The following PITPNM3 variants were observed in gnomAD, a reference collection of about 807,000 sequenced individuals.
The protein encoded by PITPNM3 is membrane-associated phosphatidylinositol transfer protein 3.
Under a neutral mutation model 102.0 loss-of-function variants are expected in PITPNM3, and 26 were observed. The ratio of observed to expected loss-of-function variants is 0.25; its 90% CI spans 0.19 to 0.35. The LOEUF is 0.35. Ranked by LOEUF, PITPNM3 falls within the 10% of genes least tolerant of loss-of-function variation. The pLI is 1.00. For missense variants in PITPNM3, 1,083 were observed against 1,346.1 expected (o/e 0.80, Z 3.06); for synonymous variants, 578 against 558.6 (o/e 1.03, Z -0.49).
intron 3 of PITPNM3, among the ~76,000 whole-genome samples, chr17:6,516,365 C>A (rs1908176825): frequency 6.6e-6 from 1 of 151,156 alleles, no homozygotes; most frequent in Admixed American, 6.6e-5. Context: ...AGATTGAGAC[C>A]ATCCTGGCTA....
In PITPNM3 at chr17:6,458,005, CA is replaced by C. The variant is rs914254730; in HGVS notation, c.2491-284del. 2.0e-5 allele frequency among the ~76,000 whole-genome samples: 3 copies of C among 152,162 alleles called. No individual in the cohort carries two copies. Among genetic ancestry groups the C allele is most frequent in the Non-Finnish European group, 4.4e-5 (3 of 68,014 alleles). On this transcript the variant is annotated intron_variant, in intron 18 of 19. Transcript: ENST00000262483. The surrounding 1 kb of genome is among the most constrained non-coding windows in gnomAD (Gnocchi z 5.1). ...CACTCAGGTTAAGTAATAATGAAGGCAAGCGTTCCTTTGTGGATAAGGAAAT... is the reference window on the plus strand; with the variant it reads ...CACTCAGGTTAAGTAATAATGAAGGCAGCGTTCCTTTGTGGATAAGGAAAT...
chr17:6,508,861 C>A (rs1008893367), intron 3 of PITPNM3, among the ~76,000 whole-genome samples: 1 of 152,256 alleles, frequency 6.6e-6, no homozygotes, highest in African/African-American at 2.4e-5. Flanking sequence ...CCCTGGAAAC[C>A]GCCAGCGAGG....
chr17:6,474,732 TGA>T (rs1330602256), intron 9 of PITPNM3, 128 bp from the exon 10 acceptor site: 7 of 1,174,746 alleles, frequency 6.0e-6, no homozygotes, highest in Non-Finnish European at 5.9e-6. Flanking sequence ...GGGGCGGGGC[TGA>T]GAGTCCACCG....
intron 3 of PITPNM3, among the ~76,000 whole-genome samples, chr17:6,516,528 C>T (rs563123747): frequency 7.1e-6 from 1 of 141,730 alleles, no homozygotes; most frequent in Non-Finnish European, 1.5e-5. Context: ...GGTGCCACTG[C>T]ACTCCAGCGT....
At chr17:6,499,007 A>C (rs1216026408) in intron 4 of PITPNM3, among the ~76,000 whole-genome samples, 1 of 151,986 alleles carries the variant, frequency 6.6e-6, no homozygotes, top group Non-Finnish European at 1.5e-5. Context: ...CAGAACCAGG[A>C]GGGACTCCAT....
In PITPNM3 at chr17:6,457,831, C is replaced by G; in HGVS notation, c.2491-109G>C. 1 of 1,442,008 alleles carries G rather than the reference C, an allele frequency of 6.9e-7. No homozygotes were observed. Among genetic ancestry groups the G allele is most frequent in the Admixed American group, 2.0e-5 (1 of 50,702 alleles). The allele number at this position is 1,442,008 out of a possible 1,614,324, so 89.3% of individuals were successfully genotyped here. A position where few individuals can be genotyped will look rare whatever the true frequency, so the allele number is the denominator to read the frequency against. ...TGCTTGGGGACCCTTTATGTGCACT[C>G]TGGTAGACTCCAAGCCATGGGGCCA... is the stretch of plus-strand genomic sequence containing the variant. On this transcript the variant is annotated intron_variant, in intron 18 of 19. Transcript: ENST00000262483. This position sits in a 1 kb window ranked among gnomAD's most constrained non-coding sequence, Gnocchi z 4.7.
rs1405826822 is a variant in PITPNM3, at chr17:6,478,148, C to G, written c.778-51G>C. ...AGGCCTGCCCACTGCTGACCCCTCA[C>G]CCCCACACCCGGCCAGAGCAGTGCT... is the stretch of plus-strand genomic sequence containing the variant. On this transcript the variant is annotated intron_variant, in intron 7 of 19. Coordinates refer to ENST00000262483, the MANE Select transcript of PITPNM3 (RefSeq NM_031220.4). This position sits in a 1 kb window ranked among gnomAD's most constrained non-coding sequence, Gnocchi z 4.4. 1 of 1,608,854 alleles carries G rather than the reference C, an allele frequency of 6.2e-7. No homozygotes were observed. Among genetic ancestry groups the G allele is most frequent in the African/African-American group, 1.3e-5 (1 of 75,052 alleles).
Position 6,455,455 on chromosome 17 carries a change from G to A in PITPNM3, c.2808C>T (p.Ala936=), listed in dbSNP as rs745544061. ...GGGCCCGCTCGGGCTTGGGGTTGGC[G>A]GCGGGCGGGTCGGGCTGCTGCACTG... ...TMSVQQPDPP[A]ANPKPERAQS... is the part of the protein sequence containing the mutation. Residue 936 remains alanine, a synonymous_variant, in exon 20 of 20, where the codon GCC becomes GCT. Coordinates refer to ENST00000262483, the MANE Select transcript of PITPNM3 (RefSeq NM_031220.4). 16 of 1,604,182 alleles carry A rather than the reference G, an allele frequency of 1.0e-5. 1 individual carries two copies. The South Asian group carries it at 1.3e-4, about 13-fold the overall frequency.
intron 8 of PITPNM3, 125 bp downstream of exon 8, chr17:6,477,850 T>G: frequency 1.3e-6 from 2 of 1,530,606 alleles, no homozygotes; most frequent in Non-Finnish European, 1.8e-6. Context: ...CCAGCTGGAT[T>G]ATGATACACT....
chr17:6,495,861 G>A (rs1428829099), intron 4 of PITPNM3, among the ~76,000 whole-genome samples: 5 of 152,222 alleles, frequency 3.3e-5, no homozygotes, highest in African/African-American at 9.6e-5. Context: ...ATTCTTCCAC[G>A]TGGAAGTAAG....
chr17:6,542,046 G>A (rs554892468), intron 1 of PITPNM3, among the ~76,000 whole-genome samples: 3 of 152,150 alleles, frequency 2.0e-5, no homozygotes, highest in Non-Finnish European at 4.4e-5. Context: ...AGATCAGGGC[G>A]GGGGACCTCA....
intron 6 of PITPNM3, among the ~76,000 whole-genome samples, chr17:6,483,221 G>C (rs970165733): frequency 2.0e-5 from 3 of 152,088 alleles, no homozygotes; most frequent in African/African-American, 7.2e-5. Context: ...TGGGATTACA[G>C]GCGTGAGCCA....
intron 4 of PITPNM3, among the ~76,000 whole-genome samples, chr17:6,502,050 T>G (rs376390405): frequency 6.6e-6 from 1 of 152,252 alleles, no homozygotes; most frequent in East Asian, 1.9e-4. Context: ...CATGGCCTGA[T>G]GCCCTTATGG....
At chr17:6,536,741 G>C (rs577319714) in intron 2 of PITPNM3, among the ~76,000 whole-genome samples, 1 of 152,334 alleles carries the variant, frequency 6.6e-6, no homozygotes, top group East Asian at 1.9e-4. Flanking sequence ...GGGTATTGAC[G>C]TCTTCCCAGC....
In PITPNM3 at chr17:6,453,274, CAAG is replaced by C. The variant is rs1220409019; in HGVS notation, c.*2061_*2063del. The C allele has an allele frequency of 1.3e-5, 2 of 152,106 alleles. No individual in the cohort carries two copies. The highest frequency in any genetic ancestry group is 4.8e-5 in the African/African-American group (2 of 41,406). 9.4% of individuals were successfully genotyped at this position (152,106 alleles called of 1,614,324 possible). A position where few individuals can be genotyped will look rare whatever the true frequency, so the allele number is the denominator to read the frequency against. ...ATTTTAGTGTAACCAGTGCCTTCTG[CAAG>C]AAGGAGATGGTAGAGTTTTCAAGAA... On this transcript the variant is annotated 3_prime_UTR_variant, in exon 20 of 20. Transcript: ENST00000262483.
At chr17:6,474,880 G>A (rs1395577058) in intron 9 of PITPNM3, among the ~76,000 whole-genome samples, 1 of 152,236 alleles carries the variant, frequency 6.6e-6, no homozygotes, top group East Asian at 1.9e-4. Context: ...GGTCTCCATT[G>A]CATCTAGTTA....
chr17:6,495,860 C>T (rs746364772), intron 4 of PITPNM3, among the ~76,000 whole-genome samples: 4 of 152,192 alleles, frequency 2.6e-5, no homozygotes, highest in South Asian at 2.1e-4. Flanking sequence ...GATTCTTCCA[C>T]GTGGAAGTAA....
intron 2 of PITPNM3, among the ~76,000 whole-genome samples, chr17:6,536,164 C>T (rs1419657288): frequency 4.6e-5 from 7 of 151,040 alleles, no homozygotes; most frequent in Admixed American, 2.0e-4. Flanking sequence ...GCCGATTTCA[C>T]GGCAGAACAA....
At chr17:6,534,987 G>C (rs936343223) in intron 2 of PITPNM3, among the ~76,000 whole-genome samples, 2 of 152,136 alleles carry the variant, frequency 1.3e-5, no homozygotes, top group African/African-American at 4.8e-5. Flanking sequence ...ACCTCCACAC[G>C]TGCAGGAACT....
Sources: allele counts gnomAD v4.1 joint callset (sites outside exome capture counted in the v4.1 genomes callset), GRCh38; gene constraint gnomAD v4.1.1; non-coding constraint Gnocchi (gnomAD v3.1); transcripts MANE v1.5; gene names NCBI Gene and HGNC (gene_info 2026-07-23, HGNC 2026-07-21).